SDK1: variants seen among roughly 807,000 people sequenced by gnomAD.
SDK1 encodes sidekick cell adhesion molecule 1, also known as protein sidekick-1.
A neutral mutation model predicts 245.5 loss-of-function variants in SDK1; 157 were observed. The ratio of observed to expected loss-of-function variants is 0.64; its 90% CI spans 0.56 to 0.73. The LOEUF is 0.73. Among genes scored for constraint, SDK1 ranks in the 30% least tolerant of loss-of-function variants. SDK1 has a pLI of 0.00. For missense variants in SDK1, 3,583 were observed against 3,002.3 expected (o/e 1.19, Z -4.52); for synonymous variants, 1,647 against 1,278.5 (o/e 1.29, Z -6.15).
chr7:4,071,508 A>G lies in SDK1; in HGVS notation c.3010+3572A>G, dbSNP rs147320684. On this transcript the variant is annotated intron_variant, in intron 20 of 44. Coordinates refer to ENST00000404826, the MANE Select transcript of SDK1 (RefSeq NM_152744.4). ...TGAGAATCGCAAGTGCTGAGTGTGT[A>G]CAATTAAAAGGGCCTCCTGTTGCCT... 7.9e-5 allele frequency among the ~76,000 whole-genome samples: 12 copies of G among 152,326 alleles called. No homozygotes were observed. In the East Asian group the frequency reaches 2.1e-3, roughly 27 times the overall value.
rs183232457 is a variant in SDK1, at chr7:4,110,213, T to A, written c.3325-450T>A. Among the ~76,000 whole-genome samples, 25 of 152,058 alleles carry A rather than the reference T, an allele frequency of 1.6e-4. No individual in the cohort carries two copies. The East Asian group carries it at 4.9e-3, about 30-fold the overall frequency. On this transcript the variant is annotated intron_variant, in intron 22 of 44. Coordinates refer to ENST00000404826, the MANE Select transcript of SDK1 (RefSeq NM_152744.4). ...GTGTTTGGGGCAGAAAGGGTTGGGG[T>A]CGAAGCTGGACCCCCAGCCTGTGCC...
intron 5 of SDK1, among the ~76,000 whole-genome samples, chr7:3,823,550 C>T (rs570156832): frequency 5.3e-5 from 8 of 152,242 alleles, no homozygotes; most frequent in African/African-American, 1.9e-4. Flanking sequence ...TAGCGTAATA[C>T]CATGGTGTTA....
rs113211958 is a variant in SDK1 at position 4,192,320 on chromosome 7, G to C, written c.5099-13559G>C. Among the ~76,000 whole-genome samples, 1,280 of 152,298 alleles carry C rather than the reference G, an allele frequency of 8.4e-3. 19 individuals are homozygous for C. The highest frequency in any genetic ancestry group is 0.029 in the African/African-American group (1,197 of 41,552). On this transcript the variant is annotated intron_variant, in intron 35 of 44. Coordinates refer to ENST00000404826, the MANE Select transcript of SDK1 (RefSeq NM_152744.4). The stretch of plus-strand genomic sequence containing the variant: ...AGACGGAGTCTCACTCTGTCGCCCA[G>C]GCTGGATAGCAGTGGCACTATCTTG...
intron 4 of SDK1, among the ~76,000 whole-genome samples, chr7:3,644,773 C>CAA (rs34276127): frequency 0.012 from 474 of 39,880 alleles, 19 homozygotes; most frequent in African/African-American, 0.03. Flanking sequence ...ACCCTGTCTC[C>CAA]AAAAAAAAAA....
intron 25 of SDK1, among the ~76,000 whole-genome samples, chr7:4,121,438 T>A (rs1784058927): frequency 6.6e-6 from 1 of 152,178 alleles, no homozygotes; most frequent in Non-Finnish European, 1.5e-5. Context: ...GATGGTTTTA[T>A]AAGGGGCTCT....
intron 4 of SDK1, among the ~76,000 whole-genome samples, chr7:3,655,343 G>A (rs1783129841): frequency 6.7e-6 from 1 of 150,290 alleles, no homozygotes; most frequent in African/African-American, 2.4e-5. Context: ...TGAGGCAGGA[G>A]AATCACTTGA....
intron 4 of SDK1, among the ~76,000 whole-genome samples, chr7:3,769,930 TATTGTC>T (rs1306034712): frequency 2.8e-5 from 4 of 144,304 alleles, no homozygotes; most frequent in Non-Finnish European, 6.0e-5. Flanking sequence ...TATTTGTACT[TATTGTC>T]TGTGTGTGTG....
At chr7:4,135,160 C>T (rs1212650841) in intron 28 of SDK1, among the ~76,000 whole-genome samples, 1 of 152,178 alleles carries the variant, frequency 6.6e-6, no homozygotes, top group Non-Finnish European at 1.5e-5. Flanking sequence ...TTTCTTTTTC[C>T]GATGACAAGA....
intron 40 of SDK1, among the ~76,000 whole-genome samples, chr7:4,223,082 CAAA>C (rs79110419): frequency 2.1e-5 from 2 of 93,104 alleles, no homozygotes; most frequent in African/African-American, 7.6e-5. Flanking sequence ...GGCTCCGTCT[CAAA>C]AAAAAAAAAA....
chr7:3,379,087 A>G (rs891711593), intron 1 of SDK1, among the ~76,000 whole-genome samples: 1 of 152,002 alleles, frequency 6.6e-6, no homozygotes, highest in Non-Finnish European at 1.5e-5. Flanking sequence ...TGCTGAGGAA[A>G]CTTTTCAACT....
intron 27 of SDK1, among the ~76,000 whole-genome samples, chr7:4,131,055 G>A (rs1295494102): frequency 6.6e-6 from 1 of 152,182 alleles, no homozygotes; most frequent in Non-Finnish European, 1.5e-5. Flanking sequence ...CCTGACACAA[G>A]GTCTCAGGCT....
At chr7:3,628,136 C>G (rs1026847485) in intron 2 of SDK1, among the ~76,000 whole-genome samples, 2 of 152,094 alleles carry the variant, frequency 1.3e-5, no homozygotes, top group African/African-American at 2.4e-5. Context: ...ATCAAGTTGA[C>G]TCATGTATAA....
rs530808502 is a variant in SDK1, at chr7:3,393,260, C to T, written c.298+91376C>T. Among the ~76,000 whole-genome samples, 5 of 152,186 alleles carry T rather than the reference C, an allele frequency of 3.3e-5. No individual in the cohort carries two copies. The East Asian group carries it at 9.7e-4, about 29-fold the overall frequency. On this transcript the variant is annotated intron_variant, in intron 1 of 44. Transcript: ENST00000404826. ...GTGCTGGGATTACAGGTATAAGCCA[C>T]CACACCCGGCCCCTATTTTCAGTTC... is the stretch of plus-strand genomic sequence containing the variant.
intron 1 of SDK1, among the ~76,000 whole-genome samples, chr7:3,416,380 C>T (rs555512711): frequency 6.6e-5 from 10 of 151,858 alleles, no homozygotes; most frequent in African/African-American, 1.7e-4. Context: ...CTTCTCCCCA[C>T]GGGAGAAAGA....
intron 40 of SDK1, among the ~76,000 whole-genome samples, chr7:4,232,454 C>T (rs1785856564): frequency 1.2e-5 from 1 of 81,160 alleles, no homozygotes; most frequent in Non-Finnish European, 2.4e-5. Context: ...ATAAAAATTG[C>T]AAAGTTCTTT....
At chr7:3,921,681 C>T (rs1171505429) in intron 5 of SDK1, among the ~76,000 whole-genome samples, 1 of 152,204 alleles carries the variant, frequency 6.6e-6, no homozygotes, top group Middle Eastern at 3.4e-3. Flanking sequence ...TTAAAACTCC[C>T]CGGGCCAGGC....
intron 1 of SDK1, among the ~76,000 whole-genome samples, chr7:3,399,120 A>C (rs1778813745): frequency 6.6e-6 from 1 of 151,742 alleles, no homozygotes; most frequent in African/African-American, 2.4e-5. Flanking sequence ...GATGTCCCAG[A>C]GGTGCCAGAG....
At chr7:4,248,507 T>A (rs1302775214) in intron 44 of SDK1, among the ~76,000 whole-genome samples, 1 of 150,296 alleles carries the variant, frequency 6.7e-6, no homozygotes, top group East Asian at 2.0e-4. Context: ...CACACCTAAA[T>A]ACACATATGC....
At chr7:3,588,431 A>G (rs938829759) in intron 1 of SDK1, among the ~76,000 whole-genome samples, 1 of 152,236 alleles carries the variant, frequency 6.6e-6, no homozygotes, top group African/African-American at 2.4e-5. Flanking sequence ...CAACAGACAC[A>G]AAGTTTCTGG....
Sources: gnomAD v4.1 joint callset for allele counts (sites outside exome capture counted in the v4.1 genomes callset) on GRCh38, gnomAD v4.1.1 for gene constraint, MANE v1.5 for transcripts, NCBI Gene and HGNC (gene_info 2026-07-23, HGNC 2026-07-21) for gene names.